Variants in CLCF1 observed in about 807,000 individuals in gnomAD.
CLCF1 encodes cardiotrophin-like cytokine factor 1.
A neutral mutation model predicts 21.2 loss-of-function variants in CLCF1; 10 were observed. The observed-to-expected ratio is 0.47, with a 90% CI of 0.29 to 0.80. CLCF1 has a LOEUF of 0.80. Ranked by LOEUF, CLCF1 falls within the 30% of genes least tolerant of loss-of-function variation. The pLI is 0.09. For synonymous variants in CLCF1, 115 were observed against 120.5 expected (o/e 0.95, Z 0.30); for missense variants, 240 against 293.4 (o/e 0.82, Z 1.33).
intron 1 of CLCF1, chr11:67,370,845 T>C (rs1347643434): frequency 4.1e-6 from 4 of 985,228 alleles, no homozygotes; most frequent in Non-Finnish European, 4.8e-6. Context: ...TGGGAGTCTC[T>C]GCACCTGGGA....
intron 1 of CLCF1, chr11:67,368,543 G>C: frequency 1.0e-6 from 1 of 985,316 alleles, no homozygotes; most frequent in Non-Finnish European, 1.2e-6. Flanking sequence ...TGCTTTTCTG[G>C]GATTTTAAGT....
chr11:67,373,492 G>C (rs769668426), intron 1 of CLCF1, 32 bp downstream of exon 1: 496 of 1,165,564 alleles, frequency 4.3e-4, no homozygotes, highest in Admixed American at 5.6e-4. Flanking sequence ...TTGGCGGGGC[G>C]GGGGTCGGGG....
At chr11:67,371,852 A>C (rs930688105) in intron 1 of CLCF1, among the ~76,000 whole-genome samples, 7 of 152,042 alleles carry the variant, frequency 4.6e-5, no homozygotes, top group Non-Finnish European at 1.0e-4. Flanking sequence ...GGTGGCGTGC[A>C]GGGGTGGTGT....
chr11:67,370,051 C>T (rs1355508659), intron 1 of CLCF1: 1 of 985,164 alleles, frequency 1.0e-6, no homozygotes, highest in Non-Finnish European at 1.2e-6. Flanking sequence ...ATCCGACGGC[C>T]CACAGAACCA....
intron 1 of CLCF1, chr11:67,368,365 A>T (rs1862160897): frequency 1.0e-6 from 1 of 985,296 alleles, no homozygotes. Context: ...GACTTCAATG[A>T]GGCCTTTCCA....
Position 67,365,626 on chromosome 11 carries a change from T to C in CLCF1, c.188A>G (p.Asn63Ser). 1 of 1,607,744 alleles carries C rather than the reference T, an allele frequency of 6.2e-7. No homozygotes were observed. Among genetic ancestry groups the C allele is most frequent in the Non-Finnish European group, 8.5e-7 (1 of 1,175,204 alleles). The change falls in exon 3 of 3, where the codon AAC becomes AGC. Residue 63 changes from asparagine (N) to serine (S), a missense_variant. Transcript: ENST00000312438. The surrounding 1 kb of genome is among the most constrained non-coding windows in gnomAD (Gnocchi z 5.0). ...QLRSLAGTYLNYLGPPFNEPD... is the reference protein window; with the variant it reads ...QLRSLAGTYLSYLGPPFNEPD... ...CTCGTTGAAAGGGGGGCCCAGGTAG[T>C]TCAGCTGTGAAAAGGAGAGGGTGAT... is the stretch of plus-strand genomic sequence containing the variant.
At chr11:67,370,240 T>C in intron 1 of CLCF1, 1 of 985,348 alleles carries the variant, frequency 1.0e-6, no homozygotes, top group African/African-American at 1.7e-5. Flanking sequence ...GGTTTAGTCG[T>C]GAGCTTGGGA....
At chr11:67,370,093 G>A in intron 1 of CLCF1, 3 of 985,404 alleles carry the variant, frequency 3.0e-6, no homozygotes, top group Non-Finnish European at 2.4e-6. Flanking sequence ...GAATCCAGAG[G>A]GAGAAGAGGT....
At chr11:67,373,413 TCCCTGGCCCGG>T in intron 1 of CLCF1, 100 bp downstream of exon 1, 1 of 552,688 alleles carries the variant, frequency 1.8e-6, no homozygotes, top group Non-Finnish European at 3.0e-6. Context: ...CGAGCCCAGC[TCCCTGGCCCGG>T]CCCCGGCGCG....
chr11:67,365,230 A>T lies in CLCF1; in HGVS notation c.584T>A (p.Leu195Gln). Residue 195 changes from leucine to glutamine, a missense_variant, in exon 3 of 3, where the codon CTG (leucine) becomes CAG (glutamine). Leu to Gln is a moderately radical substitution (Grantham distance 113). Transcript: ENST00000312438. The surrounding 1 kb of genome is among the most constrained non-coding windows in gnomAD (Gnocchi z 5.0). ...GTTGAAGTCCTTGGCCGAGCGCCAC[A>T]GCCAGGTCTGCAGCTCCTTCAGCAG... ...FWLLKELQTWLWRSAKDFNRL... is the reference protein window; with the variant it reads ...FWLLKELQTWQWRSAKDFNRL... 6.2e-7 allele frequency: 1 copy of T among 1,614,036 alleles called. No individual in the cohort carries two copies. The highest frequency in any genetic ancestry group is 1.7e-5 in the Admixed American group (1 of 60,024).
chr11:67,365,884 C>T lies in CLCF1; in HGVS notation c.184-254G>A, dbSNP rs886456144. Among the ~76,000 whole-genome samples, 22 of 152,256 alleles carry T rather than the reference C, an allele frequency of 1.4e-4. No individual in the cohort carries two copies. The highest frequency in any genetic ancestry group is 5.1e-4 in the African/African-American group (21 of 41,540). ...GTAGAAAAAGGAGGAGGAGGAGACG[C>T]ACAAGACGCTCAGGAAGGACGTGCT... On this transcript the variant is annotated intron_variant, in intron 2 of 2. Coordinates refer to ENST00000312438, the MANE Select transcript of CLCF1 (RefSeq NM_013246.3). The surrounding 1 kb of genome is among the most constrained non-coding windows in gnomAD (Gnocchi z 5.0).
chr11:67,370,086 T>A, intron 1 of CLCF1: 1 of 984,850 alleles, frequency 1.0e-6, no homozygotes, highest in Non-Finnish European at 1.2e-6. Context: ...TTCTCAGGAA[T>A]CCAGAGGGAG....
At chr11:67,367,401 T>A in intron 2 of CLCF1, 59 bp downstream of exon 2, 5 of 1,613,136 alleles carry the variant, frequency 3.1e-6, no homozygotes, top group Non-Finnish European at 3.4e-6. Context: ...CGGTTAGGAC[T>A]GTCTTTCCCC....
chr11:67,370,044 C>G (rs912844656), intron 1 of CLCF1: 19 of 985,118 alleles, frequency 1.9e-5, no homozygotes, highest in Non-Finnish European at 2.2e-5. Flanking sequence ...CAGAAGGATC[C>G]GACGGCCCAC....
At chr11:67,368,022 A>G (rs1862152990) in intron 1 of CLCF1, 2 of 961,132 alleles carry the variant, frequency 2.1e-6, no homozygotes, top group East Asian at 2.4e-4. Context: ...GCTTCCTGCC[A>G]GTCTTCAGTC....
At chr11:67,370,460 C>T (rs1862205269) in intron 1 of CLCF1, 5 of 982,818 alleles carry the variant, frequency 5.1e-6, no homozygotes, top group Non-Finnish European at 6.0e-6. Flanking sequence ...TGATTGTTTA[C>T]ATCCCGTCTT....
intron 1 of CLCF1, chr11:67,371,132 G>A (rs185522631): frequency 5.2e-6 from 5 of 959,094 alleles, no homozygotes; most frequent in Admixed American, 6.2e-5. Context: ...CCCCAGGGGC[G>A]TGTCCTGACC....
chr11:67,365,049 T>C lies in CLCF1; in HGVS notation c.*87A>G. ...CCAGAGGCTCACAGCTTCTGTCTCC[T>C]GGCTCAACAGGTGTTGGCATACAGG... On this transcript the variant is annotated 3_prime_UTR_variant, in exon 3 of 3. Coordinates refer to ENST00000312438, the MANE Select transcript of CLCF1 (RefSeq NM_013246.3). This position sits in a 1 kb window ranked among gnomAD's most constrained non-coding sequence, Gnocchi z 5.0. 6.2e-7 allele frequency: 1 copy of C among 1,600,198 alleles called. No homozygotes were observed. Among genetic ancestry groups the C allele is most frequent in the South Asian group, 1.1e-5 (1 of 89,916 alleles).
chr11:67,366,392 C>A (rs930123942), intron 2 of CLCF1, among the ~76,000 whole-genome samples: 4 of 152,164 alleles, frequency 2.6e-5, no homozygotes, highest in African/African-American at 9.7e-5. Flanking sequence ...CACACCCAGG[C>A]CCACCAGCTG....
Sources: gnomAD v4.1 joint callset for allele counts (sites outside exome capture counted in the v4.1 genomes callset) on GRCh38, gnomAD v4.1.1 for gene constraint, Gnocchi (gnomAD v3.1) non-coding constraint, MANE v1.5 for transcripts, NCBI Gene and HGNC (gene_info 2026-07-23, HGNC 2026-07-21) for gene names.